The following PRCD variants were observed in gnomAD, a reference collection of about 807,000 sequenced individuals.
The protein encoded by PRCD is photoreceptor disk component PRCD.
Under a neutral mutation model 10.1 loss-of-function variants are expected in PRCD, and 12 were observed. The observed-to-expected ratio is 1.18, with a 90% confidence interval of 0.76 to 1.92. PRCD has a LOEUF of 1.92. Ranked by LOEUF, PRCD falls within the 40% of genes most tolerant of loss-of-function variation. The probability of loss-of-function intolerance (pLI) is 0.00; values close to 1 mark genes in which losing one functional copy is unlikely to be tolerated. For missense variants in PRCD, 61 were observed against 72.2 expected, an observed-to-expected ratio of 0.84 and a Z score of 0.56; for synonymous variants, 31 against 26.2, an observed-to-expected ratio of 1.18 and a Z score of -0.56.
chr17:76,537,270 C>T (rs912035033), upstream of PRCD: 4 of 1,108,744 alleles, frequency 3.6e-6, no homozygotes, highest in Non-Finnish European at 4.7e-6. Context: ...CCTGCTCCGC[C>T]GACCTCGGAC....
upstream of PRCD, chr17:76,538,118 G>C (rs1034287059): frequency 6.5e-6 from 1 of 154,594 alleles, no homozygotes; most frequent in African/African-American, 2.4e-5. Context: ...TCCCGCGGCG[G>C]GGAACTGACT....
Position 76,544,893 on chromosome 17 carries a change from T to A in PRCD, c.*1243T>A. 1 of 456,756 alleles carries A rather than the reference T, an allele frequency of 2.2e-6. No individual in the cohort carries two copies. The highest frequency in any genetic ancestry group is 4.4e-6 in the Non-Finnish European group (1 of 226,968). 28.3% of individuals were successfully genotyped at this position (456,756 alleles called of 1,614,324 possible). ...ACGCACTTCCCCAGGGCAGCGCCCCTCCACGCCACTGTTCCGAGAACCTGC... is the reference window on the plus strand; with the variant it reads ...ACGCACTTCCCCAGGGCAGCGCCCCACCACGCCACTGTTCCGAGAACCTGC... On this transcript the variant is annotated 3_prime_UTR_variant, in exon 5 of 5. Transcript: ENST00000592014.
At chr17:76,537,435 G>A (rs748437652), upstream of PRCD, 3 of 1,598,260 alleles carry the variant, frequency 1.9e-6, no homozygotes, top group Admixed American at 5.1e-5. Context: ...CCTCGCAGTT[G>A]GCATAGAGCC....
intron 3 of PRCD, 119 bp downstream of exon 3, chr17:76,542,752 T>G: frequency 1.4e-6 from 1 of 716,154 alleles, no homozygotes; most frequent in Non-Finnish European, 2.5e-6. Flanking sequence ...TTGCCACTGA[T>G]GGAGGTTCAA....
downstream of PRCD, chr17:76,546,923 A>T (rs1366247601): frequency 6.6e-6 from 1 of 152,198 alleles, no homozygotes; most frequent in African/African-American, 2.4e-5. The surrounding 1 kb of genome is among the most constrained non-coding windows in gnomAD (Gnocchi z 4.5). Flanking sequence ...CCAGGACCTG[A>T]GCCTGGGAAA....
chr17:76,540,753 G>A lies in PRCD; in HGVS notation c.143+180G>A, dbSNP rs1435885845. Among the ~76,000 whole-genome samples the A allele has an allele frequency of 6.6e-6, 1 of 152,240 alleles. No homozygotes were observed. Among genetic ancestry groups the A allele is most frequent in the East Asian group, 1.9e-4 (1 of 5,202 alleles). On this transcript the variant is annotated intron_variant, in intron 2 of 4. Transcript: ENST00000592014. This position sits in a 1 kb window ranked among gnomAD's most constrained non-coding sequence, Gnocchi z 5.0. ...GCAGGCTGGATGTCTGTTTTCTGCG[G>A]TTGGGAATGGGAACCCTCAGCTCGC...
At chr17:76,539,140 G>T (rs1010994398), upstream of PRCD, among the ~76,000 whole-genome samples, 1 of 152,052 alleles carries the variant, frequency 6.6e-6, no homozygotes, top group Non-Finnish European at 1.5e-5. Flanking sequence ...AGGGGAGCGG[G>T]TGGGTTCAGG....
chr17:76,541,610 G>A (rs2074994078), intron 2 of PRCD, among the ~76,000 whole-genome samples: 1 of 152,202 alleles, frequency 6.6e-6, no homozygotes, highest in Admixed American at 6.5e-5. Context: ...GGCCTGTACA[G>A]GAAGCGGAGG....
Position 76,531,206 on chromosome 17 carries a change from C to T in PRCD, n.45+3373C>T. On this transcript the variant is annotated intron_variant and non_coding_transcript_variant, in intron 1 of 4. Coordinates refer to the PRCD transcript ENST00000397633. The surrounding 1 kb of genome is among the most constrained non-coding windows in gnomAD (Gnocchi z 7.4). The stretch of plus-strand genomic sequence containing the variant: ...CGCCCTGCGTCCTGCAACCCCCAGG[C>T]CCCTCCGCCCCACGTGTGGCCGAGA... The T allele has an allele frequency of 6.6e-7, 1 of 1,517,430 alleles. No individual in the cohort carries two copies. 94.0% of individuals were successfully genotyped at this position (1,517,430 alleles called of 1,614,324 possible).
At chr17:76,548,180 GAC>G (rs1419139288), downstream of PRCD, among the ~76,000 whole-genome samples, 2 of 150,298 alleles carry the variant, frequency 1.3e-5, no homozygotes, top group Non-Finnish European at 3.0e-5. Flanking sequence ...CATATACACC[GAC>G]ACATACACAT....
chr17:76,550,867 G>A (rs971424611), intron 1 of PRCD: 15 of 152,224 alleles, frequency 9.9e-5, no homozygotes, highest in African/African-American at 3.1e-4. Flanking sequence ...CTTACCTTGC[G>A]CCAGGCGCTG....
rs374415732 is a variant in PRCD, at chr17:76,545,060, G to T, written c.*1410G>T. The T allele has an allele frequency of 1.6e-5, 7 of 450,946 alleles. 1 individual carries two copies. The highest frequency in any genetic ancestry group is 1.4e-4 in the East Asian group (2 of 14,282). 27.9% of individuals were successfully genotyped at this position (450,946 alleles called of 1,614,324 possible). ...AGCTGGGGTGCCATGTGGGCCGGGT[G>T]GGGGGGCTGTCTCCCCCAGGGAGCA... On this transcript the variant is annotated 3_prime_UTR_variant, in exon 5 of 5. Transcript: ENST00000592014.
upstream of PRCD, chr17:76,537,386 C>T (rs767052614): frequency 1.9e-6 from 3 of 1,581,704 alleles, no homozygotes; most frequent in East Asian, 2.5e-5. Flanking sequence ...CCGGCCGGGC[C>T]GGGCGACACC....
At chr17:76,538,988 C>G (rs185346358), upstream of PRCD, among the ~76,000 whole-genome samples, 153 of 152,374 alleles carry the variant, frequency 1.0e-3, no homozygotes, top group Non-Finnish European at 1.8e-3. Context: ...TCACCCTGGC[C>G]AGCCTCAGCT....
chr17:76,529,203 A>C, intron 1 of PRCD: 1 of 985,290 alleles, frequency 1.0e-6, no homozygotes, highest in South Asian at 4.7e-5. Flanking sequence ...CCTCGAGCCC[A>C]TGGGGACCCT....
rs1442701997 is a variant in PRCD, at chr17:76,528,750, G to A, written n.45+917G>A. On this transcript the variant is annotated intron_variant and non_coding_transcript_variant, in intron 1 of 4. Coordinates refer to the PRCD transcript ENST00000397633. This position sits in a 1 kb window ranked among gnomAD's most constrained non-coding sequence, Gnocchi z 5.8. ...GCACAGTGCAGTTGAAAGCAACCGT[G>A]AGACCCAAGTTCTAGTCTCCGTCCT... The A allele has an allele frequency of 2.9e-6, 3 of 1,036,540 alleles. No homozygotes were observed. Among genetic ancestry groups the A allele is most frequent in the African/African-American group, 3.3e-5 (2 of 60,366 alleles). The allele number at this position is 1,036,540 out of a possible 1,614,324, so 64.2% of individuals were successfully genotyped here.
chr17:76,537,631 G>C (rs1265626886), upstream of PRCD: 3 of 972,740 alleles, frequency 3.1e-6, no homozygotes, highest in South Asian at 9.1e-5. Context: ...AGCCGGGGCC[G>C]GCTGCGTGCG....
intron 1 of PRCD, chr17:76,551,886 C>G (rs1403956686): frequency 6.7e-6 from 1 of 149,220 alleles, no homozygotes; most frequent in Non-Finnish European, 1.5e-5. Context: ...TGCACCTTGA[C>G]TTCCTCAGCT....
chr17:76,549,660 T>TG (rs1464866293), downstream of PRCD, among the ~76,000 whole-genome samples: 1 of 152,186 alleles, frequency 6.6e-6, no homozygotes, highest in Non-Finnish European at 1.5e-5. Context: ...AGCTCCAAAC[T>TG]GGAAACAACC....
Sources: allele counts gnomAD v4.1 joint callset (sites outside exome capture counted in the v4.1 genomes callset), GRCh38; gene constraint gnomAD v4.1.1; non-coding constraint Gnocchi (gnomAD v3.1); transcripts MANE v1.5; gene names NCBI Gene and HGNC (gene_info 2026-07-23, HGNC 2026-07-21).